METTL24: variants seen among roughly 807,000 people sequenced by gnomAD.
METTL24 encodes the protein probable methyltransferase-like protein 24.
Under a neutral mutation model 32.7 loss-of-function variants are expected in METTL24, and 29 were observed. The observed-to-expected ratio is 0.89, with a 90% CI of 0.66 to 1.21. METTL24 has a LOEUF of 1.21. Ranked by LOEUF, METTL24 falls within the 50% of genes most tolerant of loss-of-function variation. The probability of loss-of-function intolerance (pLI) is 0.00; values close to 1 mark genes in which losing one functional copy is unlikely to be tolerated. For synonymous variants in METTL24, 163 were observed against 179.5 expected (o/e 0.91, Z 0.73); for missense variants, 439 against 468.1 (o/e 0.94, Z 0.57).
At position 110,289,274 on chromosome 6, in the gene METTL24, C is replaced by T. The variant is rs145183632; in HGVS notation, c.786+9648G>A. The stretch of plus-strand genomic sequence containing the variant: ...AACCAATGCAATAATTAGAATGTTA[C>T]TTCATTCCAAGACTAATTTTATTGA... On this transcript the variant is annotated intron_variant, in intron 4 of 4. Transcript: ENST00000338882. Among the ~76,000 whole-genome samples, 259 of 152,296 alleles carry T rather than the reference C, an allele frequency of 1.7e-3. 2 individuals carry two copies. The highest frequency in any genetic ancestry group is 5.1e-3 in the African/African-American group (214 of 41,560).
intron 4 of METTL24, among the ~76,000 whole-genome samples, chr6:110,264,327 T>G (rs182097991): frequency 7.4e-4 from 112 of 152,248 alleles, no homozygotes; most frequent in Middle Eastern, 3.4e-3. Flanking sequence ...GAACAGACAC[T>G]TCTCAAAAGA....
chr6:110,298,953 C>T lies in METTL24; in HGVS notation c.755G>A (p.Gly252Glu). The T allele has an allele frequency of 6.2e-7, 1 of 1,614,134 alleles. No individual in the cohort carries two copies. Among genetic ancestry groups the T allele is most frequent in the African/African-American group, 1.3e-5 (1 of 75,034 alleles). The change falls in exon 4 of 5, where the codon GGA becomes GAA. Residue 252 changes from glycine (G) to glutamate (E), a missense_variant. By Grantham distance (98) the Gly-to-Glu change is moderately conservative (BLOSUM62 -2). Transcript: ENST00000338882. ...QKPHSNTRKL[G>E]SILNEFGHHK... ...ATGTCCAAATTCATTCAAAATGCTT[C>T]CCAGTTTTCTGGTGTTGCTATGTGG...
At chr6:110,333,347 G>A (rs1164657222) in intron 1 of METTL24, among the ~76,000 whole-genome samples, 1 of 152,144 alleles carries the variant, frequency 6.6e-6, no homozygotes, top group Non-Finnish European at 1.5e-5. Context: ...GTTTGCTCCA[G>A]TTAATGCTTC....
chr6:110,327,032 C>A (rs1772028853), intron 1 of METTL24, among the ~76,000 whole-genome samples: 1 of 152,180 alleles, frequency 6.6e-6, no homozygotes, highest in South Asian at 2.1e-4. Flanking sequence ...CTCTGTGTCA[C>A]AATTTAATAT....
intron 1 of METTL24, among the ~76,000 whole-genome samples, chr6:110,339,110 T>C (rs1372187333): frequency 6.6e-6 from 1 of 152,174 alleles, no homozygotes. Flanking sequence ...ATTTTACAAG[T>C]AAAATAAAGT....
chr6:110,264,460 A>T (rs1289359387), intron 4 of METTL24, among the ~76,000 whole-genome samples: 2 of 152,218 alleles, frequency 1.3e-5, no homozygotes, highest in Middle Eastern at 3.2e-3. Flanking sequence ...ATCATTAAAA[A>T]GTCAGGAAAC....
intron 4 of METTL24, among the ~76,000 whole-genome samples, chr6:110,256,245 T>G (rs901527957): frequency 6.6e-6 from 1 of 152,196 alleles, no homozygotes; most frequent in South Asian, 2.1e-4. Context: ...TTTTTACCAC[T>G]GAGCCTAGCT....
chr6:110,329,485 T>C (rs533869545), intron 1 of METTL24, among the ~76,000 whole-genome samples: 2 of 143,772 alleles, frequency 1.4e-5, no homozygotes, highest in South Asian at 4.7e-4. Flanking sequence ...GGAAACTGTT[T>C]ATTCCTTTTT....
At chr6:110,335,093 CT>C (rs1357708212) in intron 1 of METTL24, among the ~76,000 whole-genome samples, 1 of 152,202 alleles carries the variant, frequency 6.6e-6, no homozygotes, top group Non-Finnish European at 1.5e-5. Context: ...AACCTCAACC[CT>C]AAATGGAAGG....
intron 4 of METTL24, among the ~76,000 whole-genome samples, chr6:110,265,141 GAAA>G (rs1562219838): frequency 0.02 from 303 of 15,036 alleles, no homozygotes; most frequent in African/African-American, 0.1. Flanking sequence ...AAGAAAGAAA[GAAA>G]GAAAGAAAGA....
At chr6:110,335,563 ATTGTT>A (rs1562241080) in intron 1 of METTL24, among the ~76,000 whole-genome samples, 28 of 113,628 alleles carry the variant, frequency 2.5e-4, no homozygotes, top group African/African-American at 3.6e-4. Context: ...GTAGGGAATC[ATTGTT>A]TTTTTTTTTT....
chr6:110,266,217 T>C (rs941811489), intron 4 of METTL24, among the ~76,000 whole-genome samples: 1 of 150,744 alleles, frequency 6.6e-6, no homozygotes, highest in African/African-American at 2.4e-5. Context: ...AAAAAAAAAA[T>C]GCTTCTATTT....
chr6:110,304,722 T>C (rs1206765253), intron 3 of METTL24, among the ~76,000 whole-genome samples: 1 of 152,064 alleles, frequency 6.6e-6, no homozygotes, highest in African/African-American at 2.4e-5. Flanking sequence ...ACGAGGAGAA[T>C]GGAAAACACT....
intron 1 of METTL24, among the ~76,000 whole-genome samples, chr6:110,331,553 C>G (rs1181745172): frequency 6.7e-6 from 1 of 149,718 alleles, no homozygotes; most frequent in Non-Finnish European, 1.5e-5. Flanking sequence ...CCCAGCTACT[C>G]TGGTGGCTGA....
At position 110,244,223 on chromosome 6, in the gene METTL24, A is replaced by G. The variant is rs993226914; in HGVS notation, c.*1723T>C. ...TGTATTTTTTTAAAAAAGATTTGAC[A>G]GCATAGGCAAGTCTGTGGGTGGTAA... On this transcript the variant is annotated 3_prime_UTR_variant, in exon 5 of 5. Transcript: ENST00000338882. Among the ~76,000 whole-genome samples, 1 of 152,194 alleles carries G rather than the reference A, an allele frequency of 6.6e-6. No individual in the cohort carries two copies. Among genetic ancestry groups the G allele is most frequent in the African/African-American group, 2.4e-5 (1 of 41,444 alleles).
At chr6:110,274,380 AC>A (rs1226925606) in intron 4 of METTL24, among the ~76,000 whole-genome samples, 1 of 152,182 alleles carries the variant, frequency 6.6e-6, no homozygotes, top group East Asian at 1.9e-4. Flanking sequence ...GGCGTGAGCC[AC>A]CATTATTCTA....
chr6:110,322,862 C>G lies in METTL24; in HGVS notation c.329G>C (p.Trp110Ser). ...TGCCCAAGGCTGGAGATCTATATGC[C>G]ACCGGGGACCCTGCAAGAGACAGAA... ...RGRPRRKGPR[W>S]HIDLQPWAGS... Residue 110 changes from tryptophan (W) to serine (S), a missense_variant, in exon 2 of 5, where the codon TGG (tryptophan) becomes TCG (serine). By Grantham distance (177) the Trp-to-Ser change is radical. Transcript: ENST00000338882. 3 of 1,612,950 alleles carry G rather than the reference C, an allele frequency of 1.9e-6. No individual in the cohort carries two copies. Among genetic ancestry groups the G allele is most frequent in the Non-Finnish European group, 2.5e-6 (3 of 1,179,644 alleles).
chr6:110,305,811 C>A (rs1386949922), intron 3 of METTL24, among the ~76,000 whole-genome samples: 1 of 152,124 alleles, frequency 6.6e-6, no homozygotes, highest in Non-Finnish European at 1.5e-5. Flanking sequence ...TTTGACCCAG[C>A]AATCCCATTA....
At chr6:110,315,706 G>A (rs1396105510) in intron 2 of METTL24, among the ~76,000 whole-genome samples, 1 of 152,134 alleles carries the variant, frequency 6.6e-6, no homozygotes, top group Non-Finnish European at 1.5e-5. Context: ...ATGCAGGTTT[G>A]GAGAGAAGTT....
Sources: allele counts gnomAD v4.1 joint callset (sites outside exome capture counted in the v4.1 genomes callset), GRCh38; gene constraint gnomAD v4.1.1; transcripts MANE v1.5; gene names NCBI Gene and HGNC (gene_info 2026-07-23, HGNC 2026-07-21).